Variants in EIF3M observed in about 807,000 individuals in gnomAD.
EIF3M encodes the protein B5 receptor.
In EIF3M, 25 loss-of-function variants were observed where a neutral mutation model predicts 49.7. The observed-to-expected ratio is 0.50, with a 90% CI of 0.37 to 0.70. The LOEUF (loss-of-function observed/expected upper bound fraction) is 0.70, where lower values mean the gene tolerates loss of function less well. Among genes scored for constraint, EIF3M ranks in the 30% least tolerant of loss-of-function variants. The pLI is 0.00. For synonymous variants in EIF3M, 156 were observed against 149.8 expected (o/e 1.04, Z -0.30); for missense variants, 350 against 440.0 (o/e 0.80, Z 1.83).
In EIF3M at chr11:32,604,545, T is replaced by C. The variant is rs376199902; in HGVS notation, c.*2146T>C. 5.9e-5 allele frequency: 9 copies of C among 152,248 alleles called. No homozygotes were observed. The highest frequency in any genetic ancestry group is 1.7e-4 in the African/African-American group (7 of 41,472). 9.4% of individuals were successfully genotyped at this position (152,248 alleles called of 1,614,324 possible). The stretch of plus-strand genomic sequence containing the variant: ...TCTGGTCTCTTTTCTGTATACACTT[T>C]TTAAATACTGGGGTCATATTTTTAT... On this transcript the variant is annotated 3_prime_UTR_variant, in exon 11 of 11. Transcript: ENST00000531120.
At chr11:32,589,399 C>T in intron 4 of EIF3M, 148 bp from the exon 5 acceptor site, 1 of 864,760 alleles carries the variant, frequency 1.2e-6, no homozygotes, top group Admixed American at 2.8e-5. Flanking sequence ...TGGTCTCGAA[C>T]TCCCGACTTC....
In EIF3M at chr11:32,603,246, C is replaced by A. The variant is rs1855300519; in HGVS notation, c.*847C>A. The A allele has an allele frequency of 2.5e-6, 1 of 407,158 alleles. No individual in the cohort carries two copies. The highest frequency in any genetic ancestry group is 4.0e-5 in the Admixed American group (1 of 24,818). The allele number at this position is 407,158 out of a possible 1,614,324, so 25.2% of individuals were successfully genotyped here. Reference sequence around the variant, plus strand: ...ATAACTGAAGTAAAGTGTACAAAAACTGCCTTTTACTACTTCATGTTTCCT... The same window carrying A: ...ATAACTGAAGTAAAGTGTACAAAAAATGCCTTTTACTACTTCATGTTTCCT... On this transcript the variant is annotated 3_prime_UTR_variant, in exon 11 of 11. Coordinates refer to ENST00000531120, the MANE Select transcript of EIF3M (RefSeq NM_006360.6).
rs113156141 is a variant in EIF3M, at chr11:32,593,914, G to A, written c.582G>A (p.Glu194=). 12 of 1,579,220 alleles carry A rather than the reference G, an allele frequency of 7.6e-6. No homozygotes were observed. The highest frequency in any genetic ancestry group is 9.5e-6 in the Non-Finnish European group (11 of 1,163,716). The change falls in exon 6 of 11, where the codon GAG becomes GAA. Residue 194 remains glutamate (E), a synonymous_variant. Coordinates refer to ENST00000531120, the MANE Select transcript of EIF3M (RefSeq NM_006360.6). ...VMVELLGSYT[E]DNASQARVDA... ...TGGAATTGCTCGGAAGTTACACAGA[G>A]GACAATGCTTCCCAGGCTCGAGTTG... is the stretch of plus-strand genomic sequence containing the variant.
chr11:32,601,740 G>A (rs758276803), intron 9 of EIF3M, 22 bp from the exon 10 acceptor site: 6 of 1,606,428 alleles, frequency 3.7e-6, no homozygotes, highest in Middle Eastern at 1.7e-4. Flanking sequence ...TATAACATAC[G>A]ATATAAAACA....
chr11:32,595,070 T>C, intron 7 of EIF3M, 57 bp downstream of exon 7: 1 of 1,470,154 alleles, frequency 6.8e-7, no homozygotes, highest in East Asian at 2.3e-5. Context: ...TTTTACATAC[T>C]GAAGCAGGAC....
intron 5 of EIF3M, chr11:32,592,482 T>C (rs1855118629): frequency 5.7e-6 from 3 of 527,676 alleles, no homozygotes; most frequent in African/African-American, 1.9e-5. Flanking sequence ...GGATGGGCAC[T>C]GGGCTTTACA....
intron 1 of EIF3M, among the ~76,000 whole-genome samples, chr11:32,584,607 C>CAAAAA (rs796738414): frequency 0.14 from 8,787 of 62,108 alleles, 1,091 homozygotes; most frequent in South Asian, 0.21. Flanking sequence ...GAGTCCCTCT[C>CAAAAA]AAAAAAAAAA....
At chr11:32,588,010 C>T in intron 2 of EIF3M, among the ~76,000 whole-genome samples, 1 of 152,132 alleles carries the variant, frequency 6.6e-6, no homozygotes, top group East Asian at 1.9e-4. Context: ...CTAAATCATA[C>T]CAGTAACTTC....
At position 32,602,075 on chromosome 11, in the gene EIF3M, A is replaced by T. The variant is rs74673753; in HGVS notation, c.1005-204A>T. The T allele has an allele frequency of 0.041, 38,210 of 931,182 alleles. 992 individuals are homozygous for T. Among genetic ancestry groups the T allele is most frequent in the Non-Finnish European group, 0.052 (31,881 of 609,342 alleles). The allele number at this position is 931,182 out of a possible 1,614,324, so 57.7% of individuals were successfully genotyped here. ...CTAATGACTTTTATGTCTGCTTTAT[A>T]TAGTTGCTCAGGAGAATTAGAAGGC... On this transcript the variant is annotated intron_variant, in intron 10 of 10. Coordinates refer to ENST00000531120, the MANE Select transcript of EIF3M (RefSeq NM_006360.6).
chr11:32,587,725 A>G (rs1158472246), intron 2 of EIF3M, among the ~76,000 whole-genome samples: 2 of 152,244 alleles, frequency 1.3e-5, no homozygotes, highest in Non-Finnish European at 1.5e-5. Flanking sequence ...GTAATCTAAT[A>G]GCCATTTAAT....
At chr11:32,593,183 A>G (rs1855128660) in intron 5 of EIF3M, among the ~76,000 whole-genome samples, 1 of 152,248 alleles carries the variant, frequency 6.6e-6, no homozygotes, top group Admixed American at 6.5e-5. Flanking sequence ...CCTCCTAGTT[A>G]GCAAAGCTTT....
chr11:32,586,700 C>G (rs1855002828), intron 1 of EIF3M, among the ~76,000 whole-genome samples: 1 of 152,180 alleles, frequency 6.6e-6, no homozygotes, highest in Admixed American at 6.5e-5. Flanking sequence ...CCACCAAACC[C>G]TTTGGGTTAT....
At chr11:32,592,191 C>T in intron 5 of EIF3M, 1 of 362,886 alleles carries the variant, frequency 2.8e-6, no homozygotes, top group Non-Finnish European at 5.2e-6. Flanking sequence ...AAAGTTTCCT[C>T]CACAACCCAT....
Position 32,603,172 on chromosome 11 carries a change from C to T in EIF3M, c.*773C>T, listed in dbSNP as rs1855299305. Reference sequence around the variant, plus strand: ...GTAGTTCTGGCACCAGAAAAGTATACAATGTGAATGTGTAGGCTTATGTAG... The same window carrying T: ...GTAGTTCTGGCACCAGAAAAGTATATAATGTGAATGTGTAGGCTTATGTAG... On this transcript the variant is annotated 3_prime_UTR_variant, in exon 11 of 11. Coordinates refer to ENST00000531120, the MANE Select transcript of EIF3M (RefSeq NM_006360.6). 8.3e-6 allele frequency: 5 copies of T among 605,746 alleles called. No homozygotes were observed. The East Asian group carries it at 1.4e-4, about 17-fold the overall frequency. The allele number at this position is 605,746 out of a possible 1,614,324, so 37.5% of individuals were successfully genotyped here.
intron 1 of EIF3M, among the ~76,000 whole-genome samples, chr11:32,585,254 A>C (rs757893155): frequency 6.6e-6 from 1 of 152,224 alleles, no homozygotes; most frequent in Non-Finnish European, 1.5e-5. Context: ...GAAGCATGTT[A>C]CCAACAGTTG....
chr11:32,589,241 A>G lies in EIF3M; in HGVS notation c.438+106A>G, dbSNP rs529800100. ...GCCCAGGCTGGAGTGCAATGGCGCA[A>G]TCTCAGCTCACCGCAACCTCCGCCT... On this transcript the variant is annotated intron_variant, in intron 4 of 10. Transcript: ENST00000531120. 5.3e-5 allele frequency: 79 copies of G among 1,496,874 alleles called. No individual in the cohort carries two copies. In the African/African-American group the frequency reaches 1.0e-3, roughly 19 times the overall value. The allele number at this position is 1,496,874 out of a possible 1,614,324, so 92.7% of individuals were successfully genotyped here. A position where few individuals can be genotyped will look rare whatever the true frequency, so the allele number is the denominator to read the frequency against.
At position 32,587,060 on chromosome 11, in the gene EIF3M, G is replaced by C; in HGVS notation, c.91G>C (p.Glu31Gln). 2 of 1,612,658 alleles carry C rather than the reference G, an allele frequency of 1.2e-6. No homozygotes were observed. Among genetic ancestry groups the C allele is most frequent in the Non-Finnish European group, 1.7e-6 (2 of 1,178,892 alleles). The change falls in exon 2 of 11, where the codon GAA becomes CAA. Residue 31 changes from glutamate (E) to glutamine (Q), a missense_variant. By Grantham distance (29) the Glu-to-Gln change is conservative. Transcript: ENST00000531120. ...GAAATCTAAAGGAGCTGAGATTTCA[G>C]AAGAGAACTCGGAAGGTGGACTTCA... ...YLKSKGAEISEENSEGGLHVD... is the reference protein window; with the variant it reads ...YLKSKGAEISQENSEGGLHVD...
chr11:32,587,169 A>G, intron 2 of EIF3M, 25 bp downstream of exon 2: 1 of 1,538,534 alleles, frequency 6.5e-7, no homozygotes, highest in Non-Finnish European at 8.8e-7. Context: ...TTTTTCTAAT[A>G]TTTCCTAATA....
intron 10 of EIF3M, 29 bp from the exon 11 acceptor site, chr11:32,602,250 A>C: frequency 6.2e-7 from 1 of 1,601,902 alleles, no homozygotes; most frequent in Non-Finnish European, 8.5e-7. Context: ...AAGGTTGACT[A>C]ACACTGTGTT....
Sources: allele counts gnomAD v4.1 joint callset (sites outside exome capture counted in the v4.1 genomes callset), GRCh38; gene constraint gnomAD v4.1.1; transcripts MANE v1.5; gene names NCBI Gene and HGNC (gene_info 2026-07-23, HGNC 2026-07-21).